Variants in TPO observed in about 807,000 individuals in gnomAD.
TPO encodes the protein thyroid peroxidase, also known as thyroid microsomal antigen.
In TPO, 78 loss-of-function variants were observed where a neutral mutation model predicts 96.9. The observed-to-expected ratio is 0.81, with a 90% CI of 0.67 to 0.97. The LOEUF is 0.97. Ranked by LOEUF, TPO falls within the 50% of genes least tolerant of loss-of-function variation. The pLI is 0.00. For missense variants in TPO, 1,252 were observed against 1,274.8 expected, an observed-to-expected ratio of 0.98 and a Z score of 0.27; for synonymous variants, 547 against 538.0, an observed-to-expected ratio of 1.02 and a Z score of -0.23.
intron 7 of TPO, among the ~76,000 whole-genome samples, chr2:1,463,857 T>C (rs1244544590): frequency 6.6e-6 from 1 of 152,254 alleles, no homozygotes; most frequent in East Asian, 1.9e-4. Context: ...TAGGTACATA[T>C]TACAAAGTGG....
chr2:1,478,974 G>A (rs181187347), intron 8 of TPO, among the ~76,000 whole-genome samples: 515 of 152,258 alleles, frequency 3.4e-3, no homozygotes, highest in African/African-American at 0.011. Context: ...AGCATCAGCC[G>A]GACGGAGGAG....
At chr2:1,421,082 A>G (rs1663462264) in intron 2 of TPO, among the ~76,000 whole-genome samples, 1 of 152,090 alleles carries the variant, frequency 6.6e-6, no homozygotes, top group South Asian at 2.1e-4. Flanking sequence ...GGAGCCAGAA[A>G]TGCACCCGAG....
chr2:1,542,793 A>G lies in TPO; in HGVS notation c.*319A>G, dbSNP rs1382016421. 2 of 600,000 alleles carry G rather than the reference A, an allele frequency of 3.3e-6. No individual in the cohort carries two copies. Among genetic ancestry groups the G allele is most frequent in the African/African-American group, 1.9e-5 (1 of 53,530 alleles). 37.2% of individuals were successfully genotyped at this position (600,000 alleles called of 1,614,324 possible). On this transcript the variant is annotated 3_prime_UTR_variant, in exon 17 of 17. Transcript: ENST00000329066. ...AATCCTCCTGTCTCCACCTTCTGGC[A>G]TCTCTGATGCCGTGCTCGTCTGCAC...
At chr2:1,503,047 G>A (rs191894372) in intron 13 of TPO, among the ~76,000 whole-genome samples, 3 of 152,296 alleles carry the variant, frequency 2.0e-5, no homozygotes, top group East Asian at 1.9e-4. Context: ...TGGGGTGGCC[G>A]AGTCGGGGAC....
chr2:1,488,018 C>T (rs1671341639), intron 10 of TPO, 27 bp downstream of exon 10: 1 of 1,611,732 alleles, frequency 6.2e-7, no homozygotes, highest in South Asian at 1.1e-5. Flanking sequence ...CCTTGCACAC[C>T]TCATGCAGCT....
chr2:1,429,124 G>A (rs563982250), intron 3 of TPO, among the ~76,000 whole-genome samples: 1 of 152,268 alleles, frequency 6.6e-6, no homozygotes, highest in South Asian at 2.1e-4. Context: ...TGAGTGATTT[G>A]CCCCATCCCG....
chr2:1,399,105 G>A (rs777334461), intron 1 of TPO, among the ~76,000 whole-genome samples: 28 of 152,238 alleles, frequency 1.8e-4, no homozygotes, highest in Non-Finnish European at 4.0e-4. Context: ...GGCGGCTGCA[G>A]TTGTTTCTGC....
At chr2:1,421,434 G>A (rs1329919875) in intron 2 of TPO, among the ~76,000 whole-genome samples, 3 of 151,646 alleles carry the variant, frequency 2.0e-5, no homozygotes, top group South Asian at 2.1e-4. Context: ...GTGAGCTGCC[G>A]CGTCACTCGG....
intron 15 of TPO, among the ~76,000 whole-genome samples, chr2:1,525,467 A>C (rs111257195): frequency 0.029 from 2,195 of 75,388 alleles, 183 homozygotes; most frequent in African/African-American, 0.12. Context: ...AACACCCCCA[A>C]ATTTCCCCCA....
At chr2:1,375,832 C>T (rs1321237857) in intron 1 of TPO, among the ~76,000 whole-genome samples, 3 of 152,156 alleles carry the variant, frequency 2.0e-5, no homozygotes, top group Admixed American at 6.5e-5. Context: ...TTGGGGAAGC[C>T]ACCTCCTCAC....
At chr2:1,436,225 G>T (rs1044295127) in intron 4 of TPO, 27 bp from the exon 5 acceptor site, 11 of 1,614,032 alleles carry the variant, frequency 6.8e-6, no homozygotes, top group Middle Eastern at 1.6e-4. Flanking sequence ...TACAAGCACA[G>T]AATTCATGGT....
intron 15 of TPO, among the ~76,000 whole-genome samples, chr2:1,520,327 C>G (rs1675120942): frequency 6.6e-6 from 1 of 152,132 alleles, no homozygotes; most frequent in Non-Finnish European, 1.5e-5. Flanking sequence ...TTATTTCCAC[C>G]TTAGGGCATT....
chr2:1,401,382 C>T (rs905983371), intron 1 of TPO, among the ~76,000 whole-genome samples: 24 of 152,146 alleles, frequency 1.6e-4, no homozygotes, highest in Admixed American at 1.5e-3. Flanking sequence ...AGAGCAGGAG[C>T]CCCAGCCACA....
At chr2:1,510,526 G>A (rs1043593042) in intron 14 of TPO, among the ~76,000 whole-genome samples, 1 of 152,220 alleles carries the variant, frequency 6.6e-6, no homozygotes, top group African/African-American at 2.4e-5. Flanking sequence ...GGAGAAAGGA[G>A]TCCCAGTGGA....
Position 1,496,217 on chromosome 2 carries a change from C to A in TPO, c.2215+20C>A. The A allele has an allele frequency of 6.2e-7, 1 of 1,611,588 alleles. No homozygotes were observed. Among genetic ancestry groups the A allele is most frequent in the Non-Finnish European group, 8.5e-7 (1 of 1,178,712 alleles). On this transcript the variant is annotated intron_variant, in intron 12 of 16. Transcript: ENST00000329066. The stretch of plus-strand genomic sequence containing the variant: ...CTCAAGGTGAAGTTCGGTCTCCTCT[C>A]ACACCACGTTACAGCACGTGCATCT...
chr2:1,461,340 C>A (rs1168676189), intron 7 of TPO, among the ~76,000 whole-genome samples: 1 of 152,188 alleles, frequency 6.6e-6, no homozygotes, highest in Non-Finnish European at 1.5e-5. Flanking sequence ...TTCAAACGTT[C>A]TTTGGCCTAA....
intron 8 of TPO, among the ~76,000 whole-genome samples, chr2:1,482,050 T>C (rs149116565): frequency 6.6e-6 from 1 of 152,336 alleles, no homozygotes; most frequent in Non-Finnish European, 1.5e-5. Flanking sequence ...TGGGAGCCTC[T>C]TATTGGACTA....
At chr2:1,525,808 C>A (rs1385436777) in intron 15 of TPO, among the ~76,000 whole-genome samples, 2 of 148,946 alleles carry the variant, frequency 1.3e-5, no homozygotes, top group African/African-American at 2.5e-5. Flanking sequence ...CCAAATTTCC[C>A]CGTGTGCAAC....
chr2:1,415,668 G>A (rs1459705039), intron 2 of TPO, among the ~76,000 whole-genome samples: 1 of 151,942 alleles, frequency 6.6e-6, no homozygotes, highest in Non-Finnish European at 1.5e-5. Context: ...ACACCTTGCC[G>A]GGCAGGTCCC....
Sources: allele counts gnomAD v4.1 joint callset (sites outside exome capture counted in the v4.1 genomes callset), GRCh38; gene constraint gnomAD v4.1.1; transcripts MANE v1.5; gene names NCBI Gene and HGNC (gene_info 2026-07-23, HGNC 2026-07-21).